The following CFAP47 variants were observed in gnomAD, a reference collection of about 807,000 sequenced individuals.
CFAP47 encodes the protein cilia and flagella associated protein 47.
CFAP47 carries 29 observed loss-of-function variants against 148.1 expected under a neutral mutation model. That is an observed-to-expected ratio of 0.20 (90% CI 0.15 to 0.27). CFAP47 has a LOEUF of 0.27. Ranked by LOEUF, CFAP47 falls within the 10% of genes least tolerant of loss-of-function variation. The pLI is 1.00. For missense variants in CFAP47, 1,872 were observed against 1,697.5 expected, an observed-to-expected ratio of 1.10 and a Z score of -1.81; for synonymous variants, 664 against 577.3, an observed-to-expected ratio of 1.15 and a Z score of -2.15.
intron 39 of CFAP47, among the ~76,000 whole-genome samples, chrX:36,178,756 T>C (rs772701188): frequency 8.9e-6 from 1 of 111,861 alleles, no homozygotes; most frequent in East Asian, 2.8e-4. Flanking sequence ...GTGAGCAGCC[T>C]GAGGCAAAAA....
At chrX:36,185,624 G>A (rs1314229754) in intron 40 of CFAP47, among the ~76,000 whole-genome samples, 4 of 112,083 alleles carry the variant, frequency 3.6e-5, no homozygotes, top group Non-Finnish European at 7.5e-5. Context: ...ATCTTAGTCT[G>A]CATGGGCTGC....
chrX:36,050,128 G>A (rs1301109254), intron 26 of CFAP47, among the ~76,000 whole-genome samples: 1 of 111,427 alleles, frequency 9.0e-6, no homozygotes, highest in Non-Finnish European at 1.9e-5. Context: ...TATTTCTTCA[G>A]AGCAGTATGA....
At chrX:36,127,281 G>A (rs1938858365) in intron 33 of CFAP47, among the ~76,000 whole-genome samples, 1 of 111,775 alleles carries the variant, frequency 8.9e-6, no homozygotes. Flanking sequence ...TAAGGTATAA[G>A]GAAGGGGTCC....
chrX:36,263,683 C>T lies in CFAP47; in HGVS notation c.7444+12239C>T, dbSNP rs140136449. On this transcript the variant is annotated intron_variant, in intron 49 of 63. Transcript: ENST00000378653. ...GACCTGGGACTCACCCTTCAGGGCA[C>T]TGGGCTCTCCTCTTGCCCAGGGCGA... Among the ~76,000 whole-genome samples the T allele has an allele frequency of 5.3e-3, 592 of 111,746 alleles. 1 individual carries two copies. The highest frequency in any genetic ancestry group is 0.018 in the African/African-American group (567 of 30,728).
Position 35,924,040 on chromosome X carries a change from T to C in CFAP47, c.250-1977T>C, listed in dbSNP as rs898410048. On this transcript the variant is annotated intron_variant, in intron 1 of 63. Coordinates refer to ENST00000378653, the MANE Select transcript of CFAP47 (RefSeq NM_001304548.2). ...ATATGCACATATATATGCACATATA[T>C]GTGTATATGTACATGTATGCGCACA... 6.2e-5 allele frequency among the ~76,000 whole-genome samples: 6 copies of C among 97,404 alleles called. 1 individual carries two copies. The highest frequency in any genetic ancestry group is 9.2e-4 in the South Asian group (2 of 2,181). 84.6% of individuals were successfully genotyped at this position (97,404 alleles called of 115,157 possible).
intron 30 of CFAP47, among the ~76,000 whole-genome samples, chrX:36,093,639 A>C (rs1332767596): frequency 9.0e-6 from 1 of 111,701 alleles, no homozygotes; most frequent in Non-Finnish European, 1.9e-5. Context: ...AAAAAACAAA[A>C]CAAAAAATGG....
At chrX:36,246,653 A>G (rs1279081501) in intron 48 of CFAP47, among the ~76,000 whole-genome samples, 1 of 111,648 alleles carries the variant, frequency 9.0e-6, no homozygotes, top group Non-Finnish European at 1.9e-5. Context: ...CGGTTTTGAT[A>G]CGTGGGGATT....
intron 31 of CFAP47, 24 bp downstream of exon 31, chrX:36,098,898 A>C: frequency 1.1e-6 from 1 of 875,521 alleles, no homozygotes; most frequent in Non-Finnish European, 1.6e-6. Flanking sequence ...ATTTCTTGGA[A>C]CAAACCACAC....
chrX:36,263,052 T>G (rs782047523), intron 49 of CFAP47, among the ~76,000 whole-genome samples: 3 of 112,433 alleles, frequency 2.7e-5, no homozygotes, highest in African/African-American at 9.7e-5. Flanking sequence ...TCTCCCATTT[T>G]TATCAGATTA....
At chrX:36,131,970 T>A (rs1200459513) in intron 33 of CFAP47, among the ~76,000 whole-genome samples, 1 of 111,292 alleles carries the variant, frequency 9.0e-6, no homozygotes, top group African/African-American at 3.3e-5. Flanking sequence ...TAAGCAACAA[T>A]GAATTGAACA....
intron 60 of CFAP47, among the ~76,000 whole-genome samples, chrX:36,354,264 G>A (rs1196334797): frequency 3.6e-5 from 4 of 110,117 alleles, no homozygotes; most frequent in Non-Finnish European, 5.7e-5. Flanking sequence ...GGAGGATCAC[G>A]AGGTCAGGAG....
intron 21 of CFAP47, among the ~76,000 whole-genome samples, chrX:36,013,510 C>T (rs1385960027): frequency 1.8e-5 from 2 of 111,852 alleles, no homozygotes; most frequent in South Asian, 3.7e-4. Flanking sequence ...AGAACAGTTG[C>T]ATCACCTTCT....
intron 50 of CFAP47, 88 bp downstream of exon 50, chrX:36,280,718 A>G (rs1941069825): frequency 5.6e-6 from 2 of 359,025 alleles, no homozygotes; most frequent in Admixed American, 4.9e-5. Context: ...GTTTACACGC[A>G]TAATACATAT....
intron 22 of CFAP47, among the ~76,000 whole-genome samples, chrX:36,027,683 A>G (rs1447552949): frequency 9.0e-6 from 1 of 111,183 alleles, no homozygotes; most frequent in South Asian, 3.7e-4. Flanking sequence ...CAGTAGTGGG[A>G]TGGCTAGATC....
intron 27 of CFAP47, among the ~76,000 whole-genome samples, chrX:36,071,031 A>G (rs952347042): frequency 8.9e-6 from 1 of 112,303 alleles, no homozygotes; most frequent in African/African-American, 3.2e-5. Flanking sequence ...CCTGCTCTCC[A>G]AGGGCAGTCA....
chrX:36,146,302 CTTAA>C (rs1276900526), intron 36 of CFAP47, among the ~76,000 whole-genome samples: 1 of 111,624 alleles, frequency 9.0e-6, no homozygotes. Context: ...CTTCATATCA[CTTAA>C]TTGTTATTGA....
chrX:36,225,024 T>C (rs1052838994), intron 45 of CFAP47, among the ~76,000 whole-genome samples: 1 of 112,081 alleles, frequency 8.9e-6, no homozygotes, highest in African/African-American at 3.2e-5. Context: ...AGAAATTCTT[T>C]CTTTATGTTT....
At chrX:36,110,887 T>G (rs1258033178) in intron 33 of CFAP47, among the ~76,000 whole-genome samples, 1 of 111,956 alleles carries the variant, frequency 8.9e-6, no homozygotes, top group Non-Finnish European at 1.9e-5. Context: ...ATTACATTCC[T>G]GATTTGGCTC....
At chrX:36,310,007 T>A (rs1556009587) in intron 55 of CFAP47, among the ~76,000 whole-genome samples, 1 of 110,860 alleles carries the variant, frequency 9.0e-6, no homozygotes, top group African/African-American at 3.3e-5. Context: ...TTTGAAGTAA[T>A]CTTCAAGCAA....
Sources: allele counts gnomAD v4.1 joint callset (sites outside exome capture counted in the v4.1 genomes callset), GRCh38; gene constraint gnomAD v4.1.1; transcripts MANE v1.5; gene names NCBI Gene and HGNC (gene_info 2026-07-23, HGNC 2026-07-21).